The following CAST variants were observed in gnomAD, a reference collection of about 807,000 sequenced individuals.
CAST encodes calpastatin, also known as MIR583 host.
Under a neutral mutation model 119.6 loss-of-function variants are expected in CAST, and 76 were observed. The observed-to-expected ratio is 0.64, with a 90% CI of 0.53 to 0.77. CAST has a LOEUF of 0.77. Ranked by LOEUF, CAST falls within the 30% of genes least tolerant of loss-of-function variation. The probability of loss-of-function intolerance (pLI) is 0.00; values close to 1 mark genes in which losing one functional copy is unlikely to be tolerated. For missense variants in CAST, 953 were observed against 946.5 expected, an observed-to-expected ratio of 1.01 and a Z score of -0.09; for synonymous variants, 319 against 331.6, an observed-to-expected ratio of 0.96 and a Z score of 0.41.
the CAST span, among the ~76,000 whole-genome samples, chr5:96,263,813 A>C: frequency 6.6e-6 from 1 of 152,204 alleles, no homozygotes; most frequent in Non-Finnish European, 1.5e-5. Flanking sequence ...TGGAAGCCAA[A>C]GGAGAAGCAA....
chr5:96,270,604 G>A, the CAST span, among the ~76,000 whole-genome samples: 1 of 152,078 alleles, frequency 6.6e-6, no homozygotes, highest in Admixed American at 6.6e-5. Flanking sequence ...ACTAACACAG[G>A]AACAGAAAAC....
intron 24 of CAST, chr5:96,762,030 A>G (rs764552005): frequency 1.3e-5 from 4 of 319,040 alleles, no homozygotes; most frequent in Admixed American, 9.4e-5. Flanking sequence ...ACTCTAAGTT[A>G]TATTATTGCA....
At chr5:96,683,164 G>A (rs1168109593) in intron 2 of CAST, among the ~76,000 whole-genome samples, 1 of 152,224 alleles carries the variant, frequency 6.6e-6, no homozygotes, top group East Asian at 1.9e-4. Flanking sequence ...CTACATTTCT[G>A]TGTGGAGTAT....
the CAST span, among the ~76,000 whole-genome samples, chr5:96,467,331 T>C: frequency 6.6e-6 from 1 of 152,112 alleles, no homozygotes; most frequent in Non-Finnish European, 1.5e-5. Context: ...TCTTTGTTAT[T>C]GTTGCTATCA....
At chr5:96,697,929 T>C (rs1036760579) in intron 3 of CAST, among the ~76,000 whole-genome samples, 11 of 152,250 alleles carry the variant, frequency 7.2e-5, no homozygotes, top group African/African-American at 2.7e-4. Context: ...TATTCTGTTA[T>C]TTCCAGGTCT....
At chr5:96,019,242 T>C in the CAST span, among the ~76,000 whole-genome samples, 1 of 152,208 alleles carries the variant, frequency 6.6e-6, no homozygotes, top group Non-Finnish European at 1.5e-5. Flanking sequence ...CTATTATTGT[T>C]AATGTGTTGT....
At chr5:96,087,521 C>T in the CAST span, among the ~76,000 whole-genome samples, 1 of 152,114 alleles carries the variant, frequency 6.6e-6, no homozygotes, top group South Asian at 2.1e-4. Flanking sequence ...TGGAGGGAGA[C>T]AGACAAATCA....
At chr5:96,716,515 G>C (rs1248289637) in intron 3 of CAST, among the ~76,000 whole-genome samples, 1 of 152,170 alleles carries the variant, frequency 6.6e-6, no homozygotes, top group Non-Finnish European at 1.5e-5. Flanking sequence ...CTATGTTAAG[G>C]CTCCGGGGAT....
chr5:96,208,149 G>A, the CAST span, among the ~76,000 whole-genome samples: 3 of 147,914 alleles, frequency 2.0e-5, no homozygotes, highest in East Asian at 5.9e-4. Context: ...CTGTATTTCT[G>A]TGGGGTCAGT....
At chr5:96,138,187 C>CT in the CAST span, among the ~76,000 whole-genome samples, 7 of 151,742 alleles carry the variant, frequency 4.6e-5, no homozygotes, top group Admixed American at 2.6e-4. Flanking sequence ...AATTTAGGTT[C>CT]TTTTTTTTCT....
chr5:96,529,657 C>T (rs190176549), upstream of CAST, among the ~76,000 whole-genome samples: 7 of 152,072 alleles, frequency 4.6e-5, 1 homozygote, highest in East Asian at 1.4e-3. Context: ...TCCAATAATC[C>T]CCACGTGTCA....
chr5:96,765,043 T>TA (rs1769360819), intron 25 of CAST, among the ~76,000 whole-genome samples, 178 bp from the exon 26 acceptor site: 2 of 152,028 alleles, frequency 1.3e-5, no homozygotes, highest in Non-Finnish European at 2.9e-5. Context: ...GCTCTTCTCC[T>TA]GATCTTCCAT....
chr5:96,637,650 T>G (rs1316239578), intron 1 of CAST, among the ~76,000 whole-genome samples: 2 of 152,176 alleles, frequency 1.3e-5, no homozygotes, highest in Non-Finnish European at 2.9e-5. Context: ...TAAAGATACC[T>G]TCCCAGAAAA....
In CAST at chr5:96,650,728, TTGTGTGTGTGTGTGTG is replaced by T. The variant is rs34230121; in HGVS notation, c.61-24787_61-24772del. On this transcript the variant is annotated intron_variant, in intron 1 of 11. Coordinates refer to the CAST transcript ENST00000505143. ...GTCTCCCTACCTCTTACCCACTTAA[TTGTGTGTGTGTGTGTG>T]TGTGTGTGTGTGTGTGTGTGTGTAG... is the stretch of plus-strand genomic sequence containing the variant. Among the ~76,000 whole-genome samples, 12 of 142,166 alleles carry T rather than the reference TTGTGTGTGTGTGTGTG, an allele frequency of 8.4e-5. No homozygotes were observed. The East Asian group carries it at 2.3e-3, about 27-fold the overall frequency. 93.3% of individuals were successfully genotyped at this position (142,166 alleles called of 152,430 possible).
chr5:96,223,150 G>A, the CAST span, among the ~76,000 whole-genome samples: 1 of 152,000 alleles, frequency 6.6e-6, no homozygotes, highest in African/African-American at 2.4e-5. Flanking sequence ...AAGAGATGTT[G>A]GTGAATGGGT....
At chr5:96,344,468 ATTAAC>A in the CAST span, among the ~76,000 whole-genome samples, 1 of 152,326 alleles carries the variant, frequency 6.6e-6, no homozygotes, top group African/African-American at 2.4e-5. Context: ...AAATTCACAC[ATTAAC>A]TTAACCATGA....
At chr5:96,476,706 C>T in the CAST span, among the ~76,000 whole-genome samples, 3 of 152,138 alleles carry the variant, frequency 2.0e-5, no homozygotes, top group African/African-American at 7.2e-5. Context: ...TTAAGACAGT[C>T]CTCATGTTCT....
chr5:96,564,317 G>A (rs569216783), intron 1 of CAST, among the ~76,000 whole-genome samples: 6 of 152,140 alleles, frequency 3.9e-5, no homozygotes, highest in Non-Finnish European at 7.4e-5. Flanking sequence ...TCAATATATC[G>A]ATTCCAGAAA....
the CAST span, among the ~76,000 whole-genome samples, chr5:96,285,775 C>T: frequency 6.6e-6 from 1 of 152,060 alleles, no homozygotes; most frequent in African/African-American, 2.4e-5. Context: ...TTGTTTTGTT[C>T]CTAGGCTTGA....
Sources: allele counts gnomAD v4.1 joint callset (sites outside exome capture counted in the v4.1 genomes callset), GRCh38; gene constraint gnomAD v4.1.1; transcripts MANE v1.5; gene names NCBI Gene and HGNC (gene_info 2026-07-23, HGNC 2026-07-21).